The following NPC1 variants were observed in gnomAD, a reference collection of about 807,000 sequenced individuals.
NPC1 encodes Niemann-Pick C1 protein.
A neutral mutation model predicts 140.4 loss-of-function variants in NPC1; 85 were observed. That is an observed-to-expected ratio of 0.61 (90% CI 0.51 to 0.72). NPC1 has a LOEUF of 0.72. Ranked by LOEUF, NPC1 falls within the 30% of genes least tolerant of loss-of-function variation. The probability of loss-of-function intolerance (pLI) is 0.00; values close to 1 mark genes in which losing one functional copy is unlikely to be tolerated. For missense variants in NPC1, 1,504 were observed against 1,623.8 expected, an observed-to-expected ratio of 0.93 and a Z score of 1.27; for synonymous variants, 656 against 624.8, an observed-to-expected ratio of 1.05 and a Z score of -0.74.
intron 3 of NPC1, among the ~76,000 whole-genome samples, chr18:23,514,273 T>C (rs1459762671): frequency 6.6e-6 from 1 of 152,250 alleles, no homozygotes; most frequent in Non-Finnish European, 1.5e-5. Flanking sequence ...CCTAGCACTT[T>C]GGGAGGCCGA....
At chr18:23,524,233 G>GT (rs2058228428) in intron 1 of NPC1, 7 of 1,597,584 alleles carry the variant, frequency 4.4e-6, no homozygotes, top group Non-Finnish European at 6.0e-6. Context: ...CCCTCAGAGA[G>GT]TGGTCCTGAA....
intron 16 of NPC1, 115 bp from the exon 17 acceptor site, chr18:23,540,652 A>G: frequency 1.2e-6 from 1 of 803,768 alleles, no homozygotes; most frequent in Non-Finnish European, 2.1e-6. Flanking sequence ...AAAAGCTTAA[A>G]TGACAGGCTA....
At chr18:23,507,910 TGTA>T (rs2057754304) in intron 3 of NPC1, 2 of 1,345,106 alleles carry the variant, frequency 1.5e-6, no homozygotes, top group Admixed American at 2.1e-5. Flanking sequence ...TTTCTTGTCT[TGTA>T]GTATGCCAAC....
At chr18:23,556,679 A>G in intron 7 of NPC1, 66 bp from the exon 8 acceptor site, 1 of 1,595,222 alleles carries the variant, frequency 6.3e-7, no homozygotes, top group Non-Finnish European at 8.5e-7. Context: ...AAGTCGGAAC[A>G]GGGAAAGCAT....
At chr18:23,559,088 T>C (rs1174234624) in intron 6 of NPC1, among the ~76,000 whole-genome samples, 3 of 152,228 alleles carry the variant, frequency 2.0e-5, no homozygotes, top group East Asian at 3.8e-4. Flanking sequence ...TTCCATGGTG[T>C]GTATGTGCCA....
chr18:23,526,847 A>G, downstream of NPC1: 3 of 1,536,256 alleles, frequency 2.0e-6, no homozygotes, highest in Non-Finnish European at 2.6e-6. Context: ...TGTGGGCTAC[A>G]TTGTTGTGTC....
At chr18:23,544,194 C>CCA in intron 13 of NPC1, 150 bp downstream of exon 13, 1 of 753,660 alleles carries the variant, frequency 1.3e-6, no homozygotes, top group Non-Finnish European at 2.3e-6. Flanking sequence ...CCTAAGATGT[C>CCA]CACAGCAAGT....
At chr18:23,516,581 A>G (rs2058011627) in intron 3 of NPC1, among the ~76,000 whole-genome samples, 1 of 152,212 alleles carries the variant, frequency 6.6e-6, no homozygotes, top group Admixed American at 6.5e-5. Flanking sequence ...TCCTGTGAAC[A>G]TAGAAAACCT....
chr18:23,508,393 G>A (rs1031709150), intron 3 of NPC1, among the ~76,000 whole-genome samples: 6 of 152,170 alleles, frequency 3.9e-5, no homozygotes, highest in Non-Finnish European at 8.8e-5. Context: ...TGGAGTGGAG[G>A]TTTCTGGTGA....
In NPC1 at chr18:23,531,960, T is replaced by C; in HGVS notation, c.*242A>G. 6.9e-7 allele frequency: 1 copy of C among 1,446,988 alleles called. No individual in the cohort carries two copies. Among genetic ancestry groups the C allele is most frequent in the Non-Finnish European group, 9.0e-7 (1 of 1,107,634 alleles). 89.6% of individuals were successfully genotyped at this position (1,446,988 alleles called of 1,614,324 possible). On this transcript the variant is annotated 3_prime_UTR_variant, in exon 25 of 25. Coordinates refer to ENST00000269228, the MANE Select transcript of NPC1 (RefSeq NM_000271.5). Reference sequence around the variant, plus strand: ...ACCTCCTGCTTGCCAAAGAATGAGGTTTCTTTCCTGAAGAGGCTGGGAGAA... The same window carrying C: ...ACCTCCTGCTTGCCAAAGAATGAGGCTTCTTTCCTGAAGAGGCTGGGAGAA...
chr18:23,508,788 AG>A (rs1450741953), intron 3 of NPC1: 2 of 152,422 alleles, frequency 1.3e-5, no homozygotes, highest in African/African-American at 4.8e-5. Context: ...TGTGTGTCTC[AG>A]GGTCCTCAAC....
At position 23,575,769 on chromosome 18, in the gene NPC1, C is replaced by CAAA. The variant is rs35922440; in HGVS notation, c.58-2198_58-2196dup. ...CTTCTAGAGACACAGCAGAGAAGAC[C>CAAA]AAAAAAAAAAAAAAAAAAAAAAAAA... On this transcript the variant is annotated intron_variant, in intron 1 of 24. Transcript: ENST00000269228. 4.2e-3 allele frequency among the ~76,000 whole-genome samples: 148 copies of CAAA among 35,094 alleles called. 12 individuals carry two copies. Among genetic ancestry groups the CAAA allele is most frequent in the African/African-American group, 6.1e-3 (72 of 11,778 alleles). 23.0% of individuals were successfully genotyped at this position (35,094 alleles called of 152,430 possible). A position where few individuals can be genotyped will look rare whatever the true frequency, so the allele number is the denominator to read the frequency against.
chr18:23,527,589 C>CTTTTT (rs71163615), downstream of NPC1, among the ~76,000 whole-genome samples: 3 of 108,366 alleles, frequency 2.8e-5, no homozygotes, highest in East Asian at 3.1e-4. Context: ...CCTGCTATAG[C>CTTTTT]TTTTTTTTTT....
downstream of NPC1, among the ~76,000 whole-genome samples, chr18:23,531,111 C>T (rs1046414472): frequency 1.3e-5 from 2 of 152,084 alleles, no homozygotes; most frequent in African/African-American, 4.8e-5. Context: ...CTGCCTCAGC[C>T]TCCTGAGTAG....
chr18:23,536,705 A>G lies in NPC1; in HGVS notation c.3213T>C (p.Ile1071=). Residue 1071 remains isoleucine (I), a synonymous_variant, in exon 21 of 25, where the codon ATT becomes ATC. Coordinates refer to ENST00000269228, the MANE Select transcript of NPC1 (RefSeq NM_000271.5). The part of the protein sequence containing the change: ...IASNVTETMG[I]NGSAYRVFPY... ...GAAATACTCGGTAGGCACTGCCGTTAATGCCCATGGTTTCGGTGACATTAC... is the reference window on the plus strand; with the variant it reads ...GAAATACTCGGTAGGCACTGCCGTTGATGCCCATGGTTTCGGTGACATTAC... 1 of 1,614,150 alleles carries G rather than the reference A, an allele frequency of 6.2e-7. No homozygotes were observed. The highest frequency in any genetic ancestry group is 1.1e-5 in the South Asian group (1 of 91,076).
Position 23,534,350 on chromosome 18 carries a change from G to A in NPC1, c.3591+96C>T, listed in dbSNP as rs919177655. ...GCCTGAAAGCTTGCAATCCTTAGAA[G>A]CTGCTTTGTAAGTACAGGATCCAGA... On this transcript the variant is annotated intron_variant, in intron 23 of 24. Coordinates refer to ENST00000269228, the MANE Select transcript of NPC1 (RefSeq NM_000271.5). 4 of 850,494 alleles carry A rather than the reference G, an allele frequency of 4.7e-6. No individual in the cohort carries two copies. In the African/African-American group the frequency reaches 6.6e-5, roughly 14 times the overall value. The allele number at this position is 850,494 out of a possible 1,614,324, so 52.7% of individuals were successfully genotyped here.
chr18:23,528,015 T>C, downstream of NPC1: 1 of 876,128 alleles, frequency 1.1e-6, no homozygotes, highest in South Asian at 1.8e-5. Context: ...GTCGCTGAGA[T>C]TTGCCGCCTG....
intron 3 of NPC1, among the ~76,000 whole-genome samples, chr18:23,569,773 G>A (rs779750768): frequency 4.6e-5 from 7 of 152,202 alleles, no homozygotes; most frequent in Admixed American, 1.3e-4. Context: ...ATAGAGAACA[G>A]CAATGTTGTT....
chr18:23,585,798 A>C (rs908757878), intron 1 of NPC1, among the ~76,000 whole-genome samples: 1 of 152,166 alleles, frequency 6.6e-6, no homozygotes, highest in African/African-American at 2.4e-5. Flanking sequence ...TTAGAAGACC[A>C]AGCTGACTTA....
Sources: allele counts gnomAD v4.1 joint callset (sites outside exome capture counted in the v4.1 genomes callset), GRCh38; gene constraint gnomAD v4.1.1; transcripts MANE v1.5; gene names NCBI Gene and HGNC (gene_info 2026-07-23, HGNC 2026-07-21).